Variants in YTHDC2 observed in about 807,000 individuals in gnomAD.
YTHDC2 encodes YTH N6-methyladenosine RNA binding protein C2, also known as 3'-5' RNA helicase YTHDC2.
YTHDC2 carries 45 observed loss-of-function variants against 174.9 expected under a neutral mutation model. The observed-to-expected ratio is 0.26, with a 90% CI of 0.20 to 0.33. YTHDC2 has a LOEUF of 0.33. Among genes scored for constraint, YTHDC2 ranks in the 10% least tolerant of loss-of-function variants. The pLI is 1.00. For synonymous variants in YTHDC2, 657 were observed against 574.5 expected, an observed-to-expected ratio of 1.14 and a Z score of -2.05; for missense variants, 1,650 against 1,723.7, an observed-to-expected ratio of 0.96 and a Z score of 0.76.
At position 113,575,978 on chromosome 5, in the gene YTHDC2, AT is replaced by A. The variant is rs538789311; in HGVS notation, c.3245-3604del. Among the ~76,000 whole-genome samples, 26 of 152,274 alleles carry A rather than the reference AT, an allele frequency of 1.7e-4. No individual in the cohort carries two copies. In the South Asian group the frequency reaches 5.4e-3, roughly 32 times the overall value. ...GGGAAAGGGAGGAGTCAATTCTCAG[AT>A]TTTGGTTATAGTAGCTTGTCACTCA... On this transcript the variant is annotated intron_variant, in intron 23 of 29. Coordinates refer to ENST00000161863, the MANE Select transcript of YTHDC2 (RefSeq NM_022828.5).
chr5:113,553,340 C>A lies in YTHDC2; in HGVS notation c.1848C>A (p.Ile616=), dbSNP rs774777056. The change falls in exon 13 of 30, where the codon ATC becomes ATA. Residue 616 remains isoleucine (I), a synonymous_variant. Transcript: ENST00000161863. ...LDLIMHLLYN[I]CHSCDAGAVL... Reference sequence around the variant, plus strand: ...TGATCATGCATCTTCTATACAATATCTGCCATAGTTGTGATGCTGGTAAAT... The same window carrying A: ...TGATCATGCATCTTCTATACAATATATGCCATAGTTGTGATGCTGGTAAAT... 5 of 1,603,878 alleles carry A rather than the reference C, an allele frequency of 3.1e-6. No homozygotes were observed. In the African/African-American group the frequency reaches 6.7e-5, roughly 22 times the overall value.
rs144309900 is a variant in YTHDC2 at position 113,554,005 on chromosome 5, T to G, written c.2116T>G (p.Ser706Ala). 77 of 1,571,542 alleles carry G rather than the reference T, an allele frequency of 4.9e-5. No individual in the cohort carries two copies. The highest frequency in any genetic ancestry group is 6.4e-5 in the Non-Finnish European group (74 of 1,160,934). The part of the protein sequence containing the change: ...TVNDVVFVID[S>A]GKVKEKSFDA... Reference sequence around the variant, plus strand: ...CAATGATGTTGTCTTTGTTATTGATTCTGGTAAGGTGAAAGAGGTATGTAT... The same window carrying G: ...CAATGATGTTGTCTTTGTTATTGATGCTGGTAAGGTGAAAGAGGTATGTAT... Residue 706 changes from serine to alanine, a missense_variant, in exon 16 of 30, where the codon TCT becomes GCT. Coordinates refer to ENST00000161863, the MANE Select transcript of YTHDC2 (RefSeq NM_022828.5).
chr5:113,531,223 C>T (rs13167659), intron 4 of YTHDC2, among the ~76,000 whole-genome samples: 22,194 of 152,054 alleles, frequency 0.15, 1,823 homozygotes, highest in African/African-American at 0.19. Context: ...GGTTCTGACC[C>T]GCAGATCCTG....
chr5:113,553,338 A>G lies in YTHDC2; in HGVS notation c.1846A>G (p.Ile616Val). Residue 616 changes from isoleucine to valine, a missense_variant, in exon 13 of 30, where the codon ATC becomes GTC. Physicochemically the swap from Ile to Val is conservative, Grantham distance 29 (BLOSUM62 3). Coordinates refer to ENST00000161863, the MANE Select transcript of YTHDC2 (RefSeq NM_022828.5). ...TTTGATCATGCATCTTCTATACAATATCTGCCATAGTTGTGATGCTGGTAA... is the reference window on the plus strand; with the variant it reads ...TTTGATCATGCATCTTCTATACAATGTCTGCCATAGTTGTGATGCTGGTAA... Reference protein sequence around the residue: ...LDLIMHLLYNICHSCDAGAVL... With the variant: ...LDLIMHLLYNVCHSCDAGAVL... 1 of 1,604,830 alleles carries G rather than the reference A, an allele frequency of 6.2e-7. No homozygotes were observed. Among genetic ancestry groups the G allele is most frequent in the Non-Finnish European group, 8.5e-7 (1 of 1,177,234 alleles).
At position 113,565,952 on chromosome 5, in the gene YTHDC2, T is replaced by G; in HGVS notation, c.2775T>G (p.Leu925=). The G allele has an allele frequency of 6.2e-7, 1 of 1,613,806 alleles. No individual in the cohort carries two copies. Among genetic ancestry groups the G allele is most frequent in the Non-Finnish European group, 8.5e-7 (1 of 1,179,840 alleles). The change falls in exon 21 of 30, where the codon CTT becomes CTG. Residue 925 remains leucine (L), a synonymous_variant. Transcript: ENST00000161863. Reference sequence around the variant, plus strand: ...GAGCCTTTTGTGAAAAGAATTTTCTTTCACAGGCTACTATGGAAATAATCA... The same window carrying G: ...GAGCCTTTTGTGAAAAGAATTTTCTGTCACAGGCTACTATGGAAATAATCA... ...WERAFCEKNF[L]SQATMEIIIG...
intron 23 of YTHDC2, 39 bp downstream of exon 23, chr5:113,567,888 A>G: frequency 1.7e-6 from 2 of 1,152,138 alleles, no homozygotes; most frequent in Non-Finnish European, 2.3e-6. Context: ...TTTGAAATGA[A>G]TTTTTTTTTT....
At chr5:113,570,424 G>A (rs776261312) in intron 23 of YTHDC2, among the ~76,000 whole-genome samples, 2 of 152,004 alleles carry the variant, frequency 1.3e-5, no homozygotes, top group Non-Finnish European at 2.9e-5. Context: ...TTTTATTTTT[G>A]TTGCAATTGT....
At chr5:113,591,502 G>C (rs1222777115) in intron 27 of YTHDC2, among the ~76,000 whole-genome samples, 1 of 152,098 alleles carries the variant, frequency 6.6e-6, no homozygotes, top group Non-Finnish European at 1.5e-5. Flanking sequence ...TAATTCTCAA[G>C]TGGATTCAAA....
At chr5:113,549,998 G>C (rs1029492610) in intron 12 of YTHDC2, among the ~76,000 whole-genome samples, 2 of 152,010 alleles carry the variant, frequency 1.3e-5, no homozygotes, top group Non-Finnish European at 2.9e-5. Context: ...TGCTTTCAGA[G>C]CAGGAAAATT....
chr5:113,578,780 T>C (rs1778220785), intron 23 of YTHDC2, among the ~76,000 whole-genome samples: 3 of 152,152 alleles, frequency 2.0e-5, no homozygotes, highest in Admixed American at 1.3e-4. Context: ...CTGGATTTCT[T>C]TGTTGATGTT....
In YTHDC2 at chr5:113,583,204, C is replaced by G. The variant is rs569235432; in HGVS notation, c.3648-1098C>G. The stretch of plus-strand genomic sequence containing the variant: ...TGATAATTTTATTGGGATTGGTAAC[C>G]ACTTTGGTTATGTAAGGACAATGCA... On this transcript the variant is annotated intron_variant, in intron 25 of 29. Coordinates refer to ENST00000161863, the MANE Select transcript of YTHDC2 (RefSeq NM_022828.5). 7.2e-5 allele frequency: 11 copies of G among 152,216 alleles called. 1 individual carries two copies. Among genetic ancestry groups the G allele is most frequent in the African/African-American group, 2.6e-4 (11 of 41,532 alleles). The allele number at this position is 152,216 out of a possible 1,614,324, so 9.4% of individuals were successfully genotyped here. A position where few individuals can be genotyped will look rare whatever the true frequency, so the allele number is the denominator to read the frequency against.
At chr5:113,523,307 G>A (rs988500274) in intron 2 of YTHDC2, among the ~76,000 whole-genome samples, 1 of 152,102 alleles carries the variant, frequency 6.6e-6, no homozygotes, top group East Asian at 1.9e-4. Flanking sequence ...ATGATTTGCC[G>A]TTGATCATGT....
chr5:113,553,175 TTTCAG>T lies in YTHDC2; in HGVS notation c.1689-4_1689del. On this transcript the variant is annotated splice_acceptor_variant and splice_polypyrimidine_tract_variant and intron_variant, in intron 12 of 29. Coordinates refer to ENST00000161863, the MANE Select transcript of YTHDC2 (RefSeq NM_022828.5). LOFTEE classifies it high-confidence loss of function. ...ACTTTGTCTTTTTTTTTTTTTTTTTTTTCAGTGCTACACTGGAATTTGGAAATCTA... is the reference window on the plus strand; with the variant it reads ...ACTTTGTCTTTTTTTTTTTTTTTTTTTGCTACACTGGAATTTGGAAATCTA... The T allele has an allele frequency of 7.1e-7, 1 of 1,409,342 alleles. No homozygotes were observed. Among genetic ancestry groups the T allele is most frequent in the Middle Eastern group, 1.9e-4 (1 of 5,386 alleles). The allele number at this position is 1,409,342 out of a possible 1,614,324, so 87.3% of individuals were successfully genotyped here.
rs960222573 is a variant in YTHDC2 at position 113,513,856 on chromosome 5, C to T, written c.-40C>T. ...TTGTCATTGGCTGTCAGCTAGCAGG[C>T]CTGGCCGCTCCCGTGCGGAGAGACC... On this transcript the variant is annotated 5_prime_UTR_variant, in exon 1 of 30. Transcript: ENST00000161863. The T allele has an allele frequency of 5.2e-6, 8 of 1,549,226 alleles. No homozygotes were observed. Among genetic ancestry groups the T allele is most frequent in the South Asian group, 1.2e-5 (1 of 82,208 alleles).
chr5:113,540,084 A>G (rs1224401289), intron 8 of YTHDC2, among the ~76,000 whole-genome samples: 3 of 152,144 alleles, frequency 2.0e-5, no homozygotes, highest in African/African-American at 7.2e-5. Context: ...TACGCAGTCT[A>G]GTTACATCGC....
intron 4 of YTHDC2, among the ~76,000 whole-genome samples, chr5:113,530,992 A>T (rs1240045779): frequency 2.0e-5 from 3 of 152,216 alleles, no homozygotes; most frequent in African/African-American, 7.2e-5. Flanking sequence ...CCCGCCCCCC[A>T]ACTCCTTCTC....
chr5:113,589,406 A>ATAT (rs1350140447), intron 26 of YTHDC2, among the ~76,000 whole-genome samples: 140 of 111,128 alleles, frequency 1.3e-3, no homozygotes, highest in South Asian at 6.8e-3. Context: ...AAAAAAAAAA[A>ATAT]AAATATATAT....
Position 113,581,637 on chromosome 5 carries a change from C to T in YTHDC2, c.3575C>T (p.Ser1192Phe), listed in dbSNP as rs1332149433. Residue 1192 changes from serine to phenylalanine, a missense_variant, in exon 25 of 30, where the codon TCT becomes TTT. By Grantham distance (155) the Ser-to-Phe change is radical. Transcript: ENST00000161863. ...TCAGAAGAGCTTCCTTTGGCCTCATCTTGGAGGTCAAATAATAGTAGGAAA... is the reference window on the plus strand; with the variant it reads ...TCAGAAGAGCTTCCTTTGGCCTCATTTTGGAGGTCAAATAATAGTAGGAAA... ...MSSEELPLAS[S>F]WRSNNSRKSS... 6.2e-7 allele frequency: 1 copy of T among 1,613,046 alleles called. No individual in the cohort carries two copies. The highest frequency in any genetic ancestry group is 1.7e-5 in the Admixed American group (1 of 59,746).
At chr5:113,537,995 C>G (rs370863219) in intron 7 of YTHDC2, among the ~76,000 whole-genome samples, 15 of 152,234 alleles carry the variant, frequency 9.9e-5, no homozygotes, top group African/African-American at 3.4e-4. Flanking sequence ...TTCCCACCAG[C>G]AAACCTGTTC....
Sources: allele counts gnomAD v4.1 joint callset (sites outside exome capture counted in the v4.1 genomes callset), GRCh38; gene constraint gnomAD v4.1.1; transcripts MANE v1.5; gene names NCBI Gene and HGNC (gene_info 2026-07-23, HGNC 2026-07-21).